The following EPHA3 variants were observed in gnomAD, a reference collection of about 807,000 sequenced individuals.
EPHA3 encodes the protein EPH receptor A3.
A neutral mutation model predicts 107.1 loss-of-function variants in EPHA3; 42 were observed. The observed-to-expected ratio is 0.39, with a 90% confidence interval of 0.31 to 0.51. The LOEUF is 0.51. Among genes scored for constraint, EPHA3 ranks in the 20% least tolerant of loss-of-function variants. The probability of loss-of-function intolerance (pLI) is 0.78; values close to 1 mark genes in which losing one functional copy is unlikely to be tolerated. For missense variants in EPHA3, 1,183 were observed against 1,211.2 expected (o/e 0.98, Z 0.35); for synonymous variants, 461 against 424.8 (o/e 1.09, Z -1.05).
intron 5 of EPHA3, among the ~76,000 whole-genome samples, chr3:89,383,846 C>T (rs1424641791): frequency 1.3e-5 from 2 of 151,698 alleles, no homozygotes; most frequent in Non-Finnish European, 2.9e-5. Flanking sequence ...GATGGGGTTT[C>T]ACTATGTTAG....
chr3:89,436,092 A>T (rs891036196), intron 13 of EPHA3, among the ~76,000 whole-genome samples: 6 of 151,966 alleles, frequency 3.9e-5, no homozygotes, highest in Admixed American at 1.3e-4. Flanking sequence ...AGTGAGCTAA[A>T]GCCTGGGGAT....
intron 3 of EPHA3, among the ~76,000 whole-genome samples, chr3:89,331,447 A>G (rs1332373069): frequency 2.6e-5 from 4 of 152,208 alleles, no homozygotes; most frequent in African/African-American, 9.6e-5. Context: ...TATTTATAAA[A>G]ATGTGTGAAC....
intron 3 of EPHA3, among the ~76,000 whole-genome samples, chr3:89,211,592 A>G (rs1335766511): frequency 2.0e-5 from 3 of 152,122 alleles, no homozygotes; most frequent in Non-Finnish European, 4.4e-5. Context: ...TCCTCTTTAA[A>G]TCTGGACAGA....
chr3:89,384,212 G>A (rs1432134892), intron 5 of EPHA3, among the ~76,000 whole-genome samples: 2 of 151,418 alleles, frequency 1.3e-5, no homozygotes, highest in East Asian at 3.9e-4. Flanking sequence ...CTACTTTGTC[G>A]TCTTAATTTT....
At chr3:89,236,959 A>G (rs1704779524) in intron 3 of EPHA3, among the ~76,000 whole-genome samples, 2 of 152,240 alleles carry the variant, frequency 1.3e-5, no homozygotes, top group Non-Finnish European at 2.9e-5. Context: ...AGATTTACAG[A>G]TACTTATTGC....
chr3:89,380,793 A>C (rs115345063), intron 5 of EPHA3, among the ~76,000 whole-genome samples: 2,311 of 148,122 alleles, frequency 0.016, 64 homozygotes, highest in African/African-American at 0.054. Context: ...TTTTTTAATG[A>C]AGTTTTGCTC....
intron 13 of EPHA3, among the ~76,000 whole-genome samples, chr3:89,434,063 C>T (rs1374173588): frequency 1.3e-5 from 2 of 152,090 alleles, no homozygotes; most frequent in East Asian, 1.9e-4. Context: ...ATCATGCTTA[C>T]TTATATTGTC....
intron 5 of EPHA3, among the ~76,000 whole-genome samples, chr3:89,383,639 CTTTTTTTTT>C (rs71621546): frequency 1.1e-5 from 1 of 87,962 alleles, no homozygotes; most frequent in African/African-American, 4.3e-5. Flanking sequence ...ACTTCTTCTT[CTTTTTTTTT>C]TTTTTTTTTT....
At chr3:89,146,886 A>T (rs1704570044) in intron 2 of EPHA3, among the ~76,000 whole-genome samples, 1 of 151,884 alleles carries the variant, frequency 6.6e-6, no homozygotes, top group African/African-American at 2.4e-5. Context: ...CCAACAACAC[A>T]CATATGTTTA....
intron 3 of EPHA3, among the ~76,000 whole-genome samples, chr3:89,337,425 A>T (rs1178532323): frequency 6.6e-6 from 1 of 152,234 alleles, no homozygotes; most frequent in African/African-American, 2.4e-5. Flanking sequence ...ACTGATACCT[A>T]CACCGATAAT....
At chr3:89,403,595 C>T (rs1380704751) in intron 7 of EPHA3, among the ~76,000 whole-genome samples, 1 of 152,032 alleles carries the variant, frequency 6.6e-6, no homozygotes, top group Non-Finnish European at 1.5e-5. Flanking sequence ...ACAAGAAGTA[C>T]AGACATTAGG....
intron 5 of EPHA3, among the ~76,000 whole-genome samples, chr3:89,359,792 CATATAT>C (rs1708051540): frequency 7.0e-6 from 1 of 142,900 alleles, no homozygotes; most frequent in South Asian, 2.2e-4. Context: ...CATATATATA[CATATAT>C]ACACATATAT....
At chr3:89,285,690 A>G (rs1576289427) in intron 3 of EPHA3, among the ~76,000 whole-genome samples, 1 of 152,310 alleles carries the variant, frequency 6.6e-6, no homozygotes, top group South Asian at 2.1e-4. Context: ...TGTTTCCAAA[A>G]CACCAAAGAT....
Position 89,341,041 on chromosome 3 carries a change from G to A in EPHA3, c.940G>A (p.Asp314Asn), listed in dbSNP as rs1483175958. 9 of 1,613,906 alleles carry A rather than the reference G, an allele frequency of 5.6e-6. No homozygotes were observed. The highest frequency in any genetic ancestry group is 3.3e-5 in the Admixed American group (2 of 59,968). ...GTGTGAGAATAATTACTTCCGGGCA[G>A]ACAAAGACCCTCCATCCATGGCTTG... ...CRCENNYFRA[D>N]KDPPSMACTR... Residue 314 changes from aspartate to asparagine, a missense_variant, in exon 4 of 17, where the codon GAC (aspartate) becomes AAC (asparagine). Coordinates refer to ENST00000336596, the MANE Select transcript of EPHA3 (RefSeq NM_005233.6).
At chr3:89,226,343 CA>C (rs748647789) in intron 3 of EPHA3, among the ~76,000 whole-genome samples, 17 of 152,078 alleles carry the variant, frequency 1.1e-4, no homozygotes, top group Non-Finnish European at 1.9e-4. Context: ...CAGGTCCTGG[CA>C]CCTAACAAGT....
chr3:89,253,653 G>C (rs1435792482), intron 3 of EPHA3, among the ~76,000 whole-genome samples: 1 of 152,082 alleles, frequency 6.6e-6, no homozygotes, highest in African/African-American at 2.4e-5. Flanking sequence ...AGACATCCTT[G>C]TTTATAAATT....
intron 3 of EPHA3, among the ~76,000 whole-genome samples, chr3:89,269,378 G>T (rs1180761880): frequency 2.0e-5 from 3 of 152,112 alleles, no homozygotes; most frequent in African/African-American, 7.2e-5. Flanking sequence ...CAAATCCTTG[G>T]TTCCTACCCC....
At chr3:89,143,763 A>G (rs1396110714) in intron 2 of EPHA3, among the ~76,000 whole-genome samples, 1 of 151,578 alleles carries the variant, frequency 6.6e-6, no homozygotes, top group Non-Finnish European at 1.5e-5. Context: ...AGATTTCACT[A>G]TATTTTCCAG....
chr3:89,372,575 T>C (rs1239607796), intron 5 of EPHA3, among the ~76,000 whole-genome samples: 1 of 151,750 alleles, frequency 6.6e-6, no homozygotes, highest in Non-Finnish European at 1.5e-5. Context: ...ATTGCCAACC[T>C]ATGAAAGAGA....
Sources: allele counts gnomAD v4.1 joint callset (sites outside exome capture counted in the v4.1 genomes callset), GRCh38; gene constraint gnomAD v4.1.1; transcripts MANE v1.5; gene names NCBI Gene and HGNC (gene_info 2026-07-23, HGNC 2026-07-21).